The following KCTD17 variants were observed in gnomAD, a reference collection of about 807,000 sequenced individuals.
KCTD17 encodes potassium channel tetramerization domain containing 17.
KCTD17 carries 20 observed loss-of-function variants against 41.5 expected under a neutral mutation model. The ratio of observed to expected loss-of-function variants is 0.48; its 90% confidence interval spans 0.34 to 0.70. The LOEUF (loss-of-function observed/expected upper bound fraction) is 0.70, where lower values mean the gene tolerates loss of function less well. Among genes scored for constraint, KCTD17 ranks in the 30% least tolerant of loss-of-function variants. The probability of loss-of-function intolerance (pLI) is 0.01; values close to 1 mark genes in which losing one functional copy is unlikely to be tolerated. For missense variants in KCTD17, 317 were observed against 427.2 expected (o/e 0.74, Z 2.27); for synonymous variants, 156 against 173.8 (o/e 0.90, Z 0.80).
chr22:37,058,463 C>A (rs1925393042), intron 4 of KCTD17, among the ~76,000 whole-genome samples: 1 of 152,012 alleles, frequency 6.6e-6, no homozygotes, highest in African/African-American at 2.4e-5. Context: ...GCTTACAGCC[C>A]TCCGTAGGAC....
Position 37,062,681 on chromosome 22 carries a change from G to A in KCTD17, c.*87G>A. On this transcript the variant is annotated 3_prime_UTR_variant, in exon 9 of 9. Transcript: ENST00000403888. ...CCCGGCCTCCTCTGTCTGCACCCGTGGGGCTGTGACTTACTCCTGCCTCCA... is the reference window on the plus strand; with the variant it reads ...CCCGGCCTCCTCTGTCTGCACCCGTAGGGCTGTGACTTACTCCTGCCTCCA... 1.9e-6 allele frequency: 3 copies of A among 1,549,028 alleles called. No homozygotes were observed. The highest frequency in any genetic ancestry group is 2.6e-6 in the Non-Finnish European group (3 of 1,146,124).
At chr22:37,062,060 C>T in intron 8 of KCTD17, 1 of 982,512 alleles carries the variant, frequency 1.0e-6, no homozygotes, top group Non-Finnish European at 1.2e-6. Flanking sequence ...CCCTATCCCA[C>T]TCTTTTCTGC....
chr22:37,052,014 C>T, intron 1 of KCTD17, 65 bp downstream of exon 1: 2 of 1,227,458 alleles, frequency 1.6e-6, no homozygotes, highest in Non-Finnish European at 2.0e-6. Context: ...GCGGGGCTGT[C>T]GGGCCTGGCT....
intron 5 of KCTD17, chr22:37,059,639 G>A: frequency 3.0e-6 from 2 of 657,116 alleles, no homozygotes; most frequent in Non-Finnish European, 5.1e-6. Context: ...AGTGAAATGA[G>A]AGCATCCCCA....
intron 4 of KCTD17, 80 bp from the exon 5 acceptor site, chr22:37,059,233 G>A (rs1212780606): frequency 6.3e-7 from 1 of 1,584,120 alleles, no homozygotes; most frequent in African/African-American, 1.3e-5. Flanking sequence ...ATCTTGATTT[G>A]AGTGCCGAGG....
At position 37,061,514 on chromosome 22, in the gene KCTD17, T is replaced by A. The variant is rs1925790800; in HGVS notation, c.785-25T>A. The A allele has an allele frequency of 1.9e-6, 3 of 1,595,376 alleles. No homozygotes were observed. Among genetic ancestry groups the A allele is most frequent in the Non-Finnish European group, 2.5e-6 (3 of 1,176,774 alleles). ...TGCCCCCCCTCCTCTCCTCCCGGCC[T>A]CCTCCTCACGTTTCCTCCTTGCAGG... On this transcript the variant is annotated intron_variant, in intron 7 of 8. Transcript: ENST00000403888. This position sits in a 1 kb window ranked among gnomAD's most constrained non-coding sequence, Gnocchi z 6.6.
intron 1 of KCTD17, 144 bp downstream of exon 1, chr22:37,052,093 G>A: frequency 9.5e-7 from 1 of 1,050,218 alleles, no homozygotes; most frequent in Non-Finnish European, 1.2e-6. Flanking sequence ...AGCGGCAGGA[G>A]GAGGGGAGGG....
Position 37,054,151 on chromosome 22 carries a change from C to G in KCTD17, c.298+943C>G, listed in dbSNP as rs116790622. On this transcript the variant is annotated intron_variant, in intron 2 of 8. Transcript: ENST00000403888. The stretch of plus-strand genomic sequence containing the variant: ...CCAGCAACTCTCTAATAGGTCAGGG[C>G]CACAACACCAGAGTCCACTGTAGGT... Among the ~76,000 whole-genome samples the G allele has an allele frequency of 2.8e-3, 430 of 152,280 alleles. 3 individuals are homozygous for G. Among genetic ancestry groups the G allele is most frequent in the African/African-American group, 9.9e-3 (412 of 41,562 alleles).
chr22:37,061,079 C>A lies in KCTD17; in HGVS notation c.713-25C>A, dbSNP rs1034602469. On this transcript the variant is annotated intron_variant, in intron 6 of 8. Coordinates refer to ENST00000403888, the MANE Select transcript of KCTD17 (RefSeq NM_001282684.2). The surrounding 1 kb of genome is among the most constrained non-coding windows in gnomAD (Gnocchi z 6.6). The stretch of plus-strand genomic sequence containing the variant: ...CCTGGCGCCTCACCCGCATAACCAT[C>A]CCTTCTCTCACTTTCTCTTTGCAGC... The A allele has an allele frequency of 6.4e-7, 1 of 1,551,502 alleles. No individual in the cohort carries two copies. Among genetic ancestry groups the A allele is most frequent in the Non-Finnish European group, 8.7e-7 (1 of 1,146,904 alleles).
Position 37,059,294 on chromosome 22 carries a change from C to T in KCTD17, c.487-19C>T, listed in dbSNP as rs766533627. 6.8e-6 allele frequency: 11 copies of T among 1,610,986 alleles called. No homozygotes were observed. The highest frequency in any genetic ancestry group is 9.3e-6 in the Non-Finnish European group (11 of 1,179,836). The stretch of plus-strand genomic sequence containing the variant: ...CCAACACCAACCTGCATTTTTCTCC[C>T]CATGCTCCGCCCCTCTAGCTGGTGA... On this transcript the variant is annotated intron_variant, in intron 4 of 8. Coordinates refer to ENST00000403888, the MANE Select transcript of KCTD17 (RefSeq NM_001282684.2).
At chr22:37,062,054 A>G (rs1925860894) in intron 8 of KCTD17, 7 of 982,216 alleles carry the variant, frequency 7.1e-6, no homozygotes, top group Non-Finnish European at 8.5e-6. Flanking sequence ...CAAGCCCCCT[A>G]TCCCACTCTT....
intron 5 of KCTD17, 122 bp from the exon 6 acceptor site, chr22:37,060,701 C>T: frequency 7.3e-7 from 1 of 1,365,050 alleles, no homozygotes; most frequent in Non-Finnish European, 9.5e-7. Flanking sequence ...CTGGAGCCCT[C>T]CCCTCTCCTG....
intron 8 of KCTD17, chr22:37,062,255 C>T (rs1341843035): frequency 5.1e-6 from 5 of 985,244 alleles, no homozygotes; most frequent in Non-Finnish European, 6.0e-6. Flanking sequence ...AGGTGGCCGC[C>T]ACCGAGCCCA....
rs368081178 is a variant in KCTD17 at position 37,061,497 on chromosome 22, C to T, written c.785-42C>T. ...GCCCTGGCTGCAGGCCCTGCCCCCC[C>T]TCCTCTCCTCCCGGCCTCCTCCTCA... is the stretch of plus-strand genomic sequence containing the variant. On this transcript the variant is annotated intron_variant, in intron 7 of 8. Transcript: ENST00000403888. This position sits in a 1 kb window ranked among gnomAD's most constrained non-coding sequence, Gnocchi z 6.6. The T allele has an allele frequency of 1.9e-6, 3 of 1,577,838 alleles. No individual in the cohort carries two copies. Among genetic ancestry groups the T allele is most frequent in the East Asian group, 4.6e-5 (2 of 43,766 alleles).
chr22:37,058,536 C>CA (rs972046002), intron 4 of KCTD17, among the ~76,000 whole-genome samples: 1 of 152,242 alleles, frequency 6.6e-6, no homozygotes, highest in Non-Finnish European at 1.5e-5. Context: ...CTGCAACACT[C>CA]AGAGAGGACT....
rs572457840 is a variant in KCTD17 at position 37,057,684 on chromosome 22, G to C, written c.486+191G>C. Among the ~76,000 whole-genome samples, 9 of 152,358 alleles carry C rather than the reference G, an allele frequency of 5.9e-5. No homozygotes were observed. In the East Asian group the frequency reaches 1.7e-3, roughly 29 times the overall value. On this transcript the variant is annotated intron_variant, in intron 4 of 8. Transcript: ENST00000403888. ...ACACTTGGTGGCAGGTTGACCGAGA[G>C]AGAGGATAGGAGCCCCAGTGGCCAT... is the stretch of plus-strand genomic sequence containing the variant.
intron 3 of KCTD17, 104 bp downstream of exon 3, chr22:37,056,515 G>A (rs1174457071): frequency 1.0e-6 from 1 of 963,360 alleles, no homozygotes; most frequent in African/African-American, 1.6e-5. Flanking sequence ...GACAGGACCA[G>A]TGTTTGTCAT....
Position 37,053,360 on chromosome 22 carries a change from C to T in KCTD17, c.298+152C>T, listed in dbSNP as rs144758579. Among the ~76,000 whole-genome samples the T allele has an allele frequency of 3.5e-3, 538 of 152,354 alleles. 5 individuals carry two copies. The highest frequency in any genetic ancestry group is 0.012 in the African/African-American group (517 of 41,594). ...TCGGACGGGGCTGATTCCCAAGCATCTGCCTGTGCCGAGCCTGGGGCTCTG... is the reference window on the plus strand; with the variant it reads ...TCGGACGGGGCTGATTCCCAAGCATTTGCCTGTGCCGAGCCTGGGGCTCTG... On this transcript the variant is annotated intron_variant, in intron 2 of 8. Coordinates refer to ENST00000403888, the MANE Select transcript of KCTD17 (RefSeq NM_001282684.2). This position sits in a 1 kb window ranked among gnomAD's most constrained non-coding sequence, Gnocchi z 4.1.
chr22:37,052,966 C>T, intron 1 of KCTD17, 134 bp from the exon 2 acceptor site: 1 of 680,306 alleles, frequency 1.5e-6, no homozygotes, highest in Non-Finnish European at 2.6e-6. Flanking sequence ...GACCCCAGTG[C>T]CTTTTTGCTA....
Sources: allele counts gnomAD v4.1 joint callset (sites outside exome capture counted in the v4.1 genomes callset), GRCh38; gene constraint gnomAD v4.1.1; non-coding constraint Gnocchi (gnomAD v3.1); transcripts MANE v1.5; gene names NCBI Gene and HGNC (gene_info 2026-07-23, HGNC 2026-07-21).